PACSIN1: variants seen among roughly 807,000 people sequenced by gnomAD.
The protein encoded by PACSIN1 is protein kinase C and casein kinase substrate in neurons 1.
PACSIN1 carries 15 observed loss-of-function variants against 59.5 expected under a neutral mutation model. That is an observed-to-expected ratio of 0.25 (90% CI 0.17 to 0.39). The LOEUF (loss-of-function observed/expected upper bound fraction) is 0.39. Among genes scored for constraint, PACSIN1 ranks in the 10% least tolerant of loss-of-function variants. The pLI, the probability that PACSIN1 is intolerant of heterozygous loss-of-function variation, is 1.00. For synonymous variants in PACSIN1, 210 were observed against 220.6 expected (o/e 0.95, Z 0.42); for missense variants, 420 against 580.2 (o/e 0.72, Z 2.84).
At chr6:34,472,873 G>C (rs910874392) in intron 1 of PACSIN1, among the ~76,000 whole-genome samples, 3 of 152,174 alleles carry the variant, frequency 2.0e-5, no homozygotes, top group Admixed American at 1.3e-4. Flanking sequence ...CAAAGGAGGG[G>C]CCGGGGATCC....
At position 34,472,097 on chromosome 6, in the gene PACSIN1, C is replaced by T. The variant is rs190406922; in HGVS notation, c.-64+5827C>T. On this transcript the variant is annotated intron_variant, in intron 1 of 9. Coordinates refer to ENST00000244458, the MANE Select transcript of PACSIN1 (RefSeq NM_020804.5). ...ACCAACCTGGCCAATATGGTGAAACCCCTGTCTCTACTAAAAATACAAAAA... is the reference window on the plus strand; with the variant it reads ...ACCAACCTGGCCAATATGGTGAAACTCCTGTCTCTACTAAAAATACAAAAA... Among the ~76,000 whole-genome samples, 33 of 151,774 alleles carry T rather than the reference C, an allele frequency of 2.2e-4. No homozygotes were observed. The East Asian group carries it at 6.0e-3, about 28-fold the overall frequency.
chr6:34,526,468 G>A (rs941521731), intron 2 of PACSIN1, 100 bp downstream of exon 2: 31 of 964,910 alleles, frequency 3.2e-5, no homozygotes, highest in Admixed American at 4.1e-5. Context: ...GCCCCACTCC[G>A]CAGTCCCCCA....
chr6:34,474,523 C>T lies in PACSIN1; in HGVS notation c.-64+8253C>T, dbSNP rs6938948. Among the ~76,000 whole-genome samples the T allele has an allele frequency of 1.1e-3, 162 of 152,302 alleles. 1 individual carries two copies. The highest frequency in any genetic ancestry group is 3.9e-3 in the African/African-American group (160 of 41,558). On this transcript the variant is annotated intron_variant, in intron 1 of 9. Coordinates refer to ENST00000244458, the MANE Select transcript of PACSIN1 (RefSeq NM_020804.5). The stretch of plus-strand genomic sequence containing the variant: ...TCCTATAACAGGCTAGATGCAGTGG[C>T]TCACACCTGTAATCCCAGCACTTTG...
intron 1 of PACSIN1, among the ~76,000 whole-genome samples, chr6:34,504,089 C>T (rs186190658): frequency 1.3e-5 from 2 of 152,108 alleles, no homozygotes; most frequent in East Asian, 3.9e-4. Flanking sequence ...ATCTACCCAT[C>T]CATCCATCCA....
chr6:34,485,369 G>A (rs1288757664), intron 1 of PACSIN1, among the ~76,000 whole-genome samples: 1 of 152,104 alleles, frequency 6.6e-6, no homozygotes, highest in Admixed American at 6.5e-5. Context: ...AGGAGGCCAC[G>A]TAGCCCTCCG....
At chr6:34,480,154 C>T (rs1299738306) in intron 1 of PACSIN1, among the ~76,000 whole-genome samples, 1 of 151,156 alleles carries the variant, frequency 6.6e-6, no homozygotes, top group East Asian at 2.0e-4. Flanking sequence ...TTTAAATTAA[C>T]ATTTTCTTTT....
chr6:34,500,262 T>A (rs1767004650), intron 1 of PACSIN1, among the ~76,000 whole-genome samples: 1 of 152,190 alleles, frequency 6.6e-6, no homozygotes, highest in African/African-American at 2.4e-5. Flanking sequence ...GTTGGGAGTC[T>A]CTGAGCCTAC....
chr6:34,526,455 C>T (rs2127273047), intron 2 of PACSIN1, 87 bp downstream of exon 2: 1 of 1,102,536 alleles, frequency 9.1e-7, no homozygotes. Context: ...CCCATGACCT[C>T]AGGCCCCACT....
intron 1 of PACSIN1, among the ~76,000 whole-genome samples, chr6:34,490,107 G>T (rs1358572176): frequency 1.3e-5 from 2 of 151,652 alleles, no homozygotes; most frequent in East Asian, 3.9e-4. Context: ...GAGTACAGTA[G>T]TGTGATCAGG....
intron 1 of PACSIN1, among the ~76,000 whole-genome samples, chr6:34,495,286 A>G (rs900857609): frequency 4.6e-5 from 7 of 152,210 alleles, no homozygotes; most frequent in Non-Finnish European, 8.8e-5. Flanking sequence ...GGGAAAGAAC[A>G]AGAAATATTC....
At chr6:34,469,046 C>A (rs1766535849) in intron 1 of PACSIN1, among the ~76,000 whole-genome samples, 1 of 151,850 alleles carries the variant, frequency 6.6e-6, no homozygotes, top group African/African-American at 2.4e-5. Flanking sequence ...GAAAGCCTTC[C>A]CTGGAGAAGT....
intron 1 of PACSIN1, among the ~76,000 whole-genome samples, chr6:34,513,620 C>T (rs542629300): frequency 6.6e-6 from 1 of 152,146 alleles, no homozygotes; most frequent in African/African-American, 2.4e-5. Context: ...TTTACTGTGC[C>T]CTGTCATAAC....
chr6:34,527,620 G>T, intron 3 of PACSIN1, 132 bp downstream of exon 3: 1 of 752,776 alleles, frequency 1.3e-6, no homozygotes, highest in Non-Finnish European at 1.9e-6. Flanking sequence ...TTCAGGCGCT[G>T]TTCCCTCCTA....
Position 34,529,344 on chromosome 6 carries a change from T to C in PACSIN1, c.457-53T>C, listed in dbSNP as rs1767547088. 6.2e-7 allele frequency: 1 copy of C among 1,602,000 alleles called. No homozygotes were observed. Among genetic ancestry groups the C allele is most frequent in the Non-Finnish European group, 8.5e-7 (1 of 1,170,606 alleles). ...GGGGAGGAGTTAATGGGTGACCATG[T>C]TTGCTGCTGGTCACAAATGAAAACC... On this transcript the variant is annotated intron_variant, in intron 4 of 9. Transcript: ENST00000244458. This position sits in a 1 kb window ranked among gnomAD's most constrained non-coding sequence, Gnocchi z 6.3.
chr6:34,491,485 G>C (rs901287945), intron 1 of PACSIN1, among the ~76,000 whole-genome samples: 2 of 152,118 alleles, frequency 1.3e-5, no homozygotes, highest in African/African-American at 4.8e-5. Context: ...GACACCAACT[G>C]GGGTAGGTTA....
Position 34,518,935 on chromosome 6 carries a change from G to A in PACSIN1, c.-63-7308G>A, listed in dbSNP as rs149140021. Reference sequence around the variant, plus strand: ...TAGAGGCCCTCTAAAGATGTGGGCTGTGCAAAATGGTGTCTTGTCTACTTG... The same window carrying A: ...TAGAGGCCCTCTAAAGATGTGGGCTATGCAAAATGGTGTCTTGTCTACTTG... On this transcript the variant is annotated intron_variant, in intron 1 of 9. Transcript: ENST00000244458. This position sits in a 1 kb window ranked among gnomAD's most constrained non-coding sequence, Gnocchi z 4.4. Among the ~76,000 whole-genome samples, 262 of 152,354 alleles carry A rather than the reference G, an allele frequency of 1.7e-3. 3 individuals are homozygous for A. Among genetic ancestry groups the A allele is most frequent in the Middle Eastern group, 0.01 (3 of 294 alleles).
At chr6:34,506,942 C>T (rs1358157599) in intron 1 of PACSIN1, among the ~76,000 whole-genome samples, 2 of 152,114 alleles carry the variant, frequency 1.3e-5, no homozygotes, top group East Asian at 1.9e-4. Flanking sequence ...CTCCTAGTTA[C>T]GGCCAGGCAA....
chr6:34,486,357 G>C (rs1224306837), intron 1 of PACSIN1, among the ~76,000 whole-genome samples: 1 of 152,148 alleles, frequency 6.6e-6, no homozygotes, highest in East Asian at 1.9e-4. Context: ...GGGTGAAGTA[G>C]GTGCCATCAT....
At chr6:34,483,025 A>G (rs747498471) in intron 1 of PACSIN1, among the ~76,000 whole-genome samples, 2 of 140,300 alleles carry the variant, frequency 1.4e-5, no homozygotes, top group Non-Finnish European at 3.0e-5. Flanking sequence ...TTTTTTTGAA[A>G]CAAGGTCTCA....
Sources: gnomAD v4.1 joint callset for allele counts (sites outside exome capture counted in the v4.1 genomes callset) on GRCh38, gnomAD v4.1.1 for gene constraint, Gnocchi (gnomAD v3.1) non-coding constraint, MANE v1.5 for transcripts, NCBI Gene and HGNC (gene_info 2026-07-23, HGNC 2026-07-21) for gene names.